MCUR1: variants seen among roughly 807,000 people sequenced by gnomAD.
The protein encoded by MCUR1 is mitochondrial calcium uniporter regulator 1.
A neutral mutation model predicts 42.0 loss-of-function variants in MCUR1; 37 were observed. The ratio of observed to expected loss-of-function variants is 0.88; its 90% confidence interval spans 0.68 to 1.16. The LOEUF (loss-of-function observed/expected upper bound fraction) is 1.16, where lower values mean the gene tolerates loss of function less well. Ranked by LOEUF, MCUR1 falls within the 50% of genes most tolerant of loss-of-function variation. The pLI is 0.00. For synonymous variants in MCUR1, 229 were observed against 196.2 expected (o/e 1.17, Z -1.40); for missense variants, 469 against 468.4 (o/e 1.00, Z -0.01).
chr6:13,796,105 A>G (rs958559660), intron 6 of MCUR1, among the ~76,000 whole-genome samples: 1 of 152,198 alleles, frequency 6.6e-6, no homozygotes, highest in African/African-American at 2.4e-5. Flanking sequence ...TTATCAGCAT[A>G]TTTAACTAGT....
intron 1 of MCUR1, among the ~76,000 whole-genome samples, chr6:13,808,738 T>C (rs1760165643): frequency 6.6e-6 from 1 of 152,194 alleles, no homozygotes; most frequent in African/African-American, 2.4e-5. Flanking sequence ...TGTAGATATC[T>C]AGTTGTCCCA....
intron 2 of MCUR1, chr6:13,803,757 C>T: frequency 1.0e-6 from 1 of 985,230 alleles, no homozygotes; most frequent in Non-Finnish European, 1.2e-6. Flanking sequence ...TTAGCTCTGA[C>T]TCTGTTTTCT....
chr6:13,811,615 G>A lies in MCUR1; in HGVS notation c.415+2400C>T, dbSNP rs193277541. Reference sequence around the variant, plus strand: ...AAGGAATGAAAGCACTTCTCCAGGGGACCTCCTAAGGACCACCTCACCTGC... The same window carrying A: ...AAGGAATGAAAGCACTTCTCCAGGGAACCTCCTAAGGACCACCTCACCTGC... On this transcript the variant is annotated intron_variant, in intron 1 of 8. Transcript: ENST00000379170. Among the ~76,000 whole-genome samples, 237 of 152,144 alleles carry A rather than the reference G, an allele frequency of 1.6e-3. 2 individuals are homozygous for A. The highest frequency in any genetic ancestry group is 2.8e-3 in the Non-Finnish European group (190 of 68,014).
rs927068146 is a variant in MCUR1 at position 13,814,089 on chromosome 6, G to A, written c.341C>T (p.Pro114Leu). ...AGRSSAWRCS[P>L]GVAAAAGALP... ...GGCGCCGGCGGCAGCGGCGACGCCC[G>A]GTGAGCACCTCCACGCGCTGCTGCG... Residue 114 changes from proline to leucine, a missense_variant, in exon 1 of 9, where the codon CCG becomes CTG. By Grantham distance (98) the Pro-to-Leu change is moderately conservative. Coordinates refer to ENST00000379170, the MANE Select transcript of MCUR1 (RefSeq NM_001031713.4). 6 of 1,240,032 alleles carry A rather than the reference G, an allele frequency of 4.8e-6. No individual in the cohort carries two copies. The highest frequency in any genetic ancestry group is 6.0e-6 in the Non-Finnish European group (6 of 994,570). 76.8% of individuals were successfully genotyped at this position (1,240,032 alleles called of 1,614,324 possible).
intron 5 of MCUR1, among the ~76,000 whole-genome samples, 184 bp from the exon 6 acceptor site, chr6:13,799,088 C>T (rs1275601379): frequency 6.6e-6 from 1 of 152,184 alleles, no homozygotes; most frequent in Non-Finnish European, 1.5e-5. Context: ...GGAACTCTGG[C>T]CAAGCCACAT....
chr6:13,806,823 TAGA>T, intron 2 of MCUR1, 99 bp downstream of exon 2: 1 of 1,284,240 alleles, frequency 7.8e-7, no homozygotes, highest in Non-Finnish European at 1.1e-6. Flanking sequence ...AAATAAAAAA[TAGA>T]AGTCAAAGAG....
At chr6:13,812,010 T>C (rs1760246248) in intron 1 of MCUR1, among the ~76,000 whole-genome samples, 1 of 152,170 alleles carries the variant, frequency 6.6e-6, no homozygotes, top group East Asian at 1.9e-4. Context: ...AAATGCCCTC[T>C]TGGCCTTCTG....
Position 13,797,888 on chromosome 6 carries a change from G to A in MCUR1, c.855+945C>T, listed in dbSNP as rs1258904037. Among the ~76,000 whole-genome samples the A allele has an allele frequency of 2.7e-5, 4 of 150,216 alleles. No individual in the cohort carries two copies. In the East Asian group the frequency reaches 8.1e-4, roughly 31 times the overall value. ...AAAATATAAAAACTAGCCAGGTGTG[G>A]TGGTGGCGTCTGTAATCCCAGCTAC... On this transcript the variant is annotated intron_variant, in intron 6 of 8. Coordinates refer to ENST00000379170, the MANE Select transcript of MCUR1 (RefSeq NM_001031713.4).
intron 1 of MCUR1, among the ~76,000 whole-genome samples, chr6:13,808,570 A>G (rs1450863718): frequency 2.0e-5 from 3 of 151,870 alleles, no homozygotes; most frequent in Non-Finnish European, 4.4e-5. Flanking sequence ...TTTTGATAAC[A>G]TACCTAAGAA....
At position 13,790,235 on chromosome 6, in the gene MCUR1, T is replaced by A. The variant is rs1759697685; in HGVS notation, c.*574A>T. Reference sequence around the variant, plus strand: ...GTTTGCTGTTGGTGTGCACCACAGATGAGACCAAGCTTCCTGGTCCGGCTA... The same window carrying A: ...GTTTGCTGTTGGTGTGCACCACAGAAGAGACCAAGCTTCCTGGTCCGGCTA... On this transcript the variant is annotated 3_prime_UTR_variant, in exon 9 of 9. Transcript: ENST00000379170. The A allele has an allele frequency of 6.6e-6, 1 of 152,346 alleles. No individual in the cohort carries two copies. Among genetic ancestry groups the A allele is most frequent in the Non-Finnish European group, 1.5e-5 (1 of 68,136 alleles). The allele number at this position is 152,346 out of a possible 1,614,324, so 9.4% of individuals were successfully genotyped here.
rs1416622633 is a variant in MCUR1 at position 13,791,973 on chromosome 6, G to A, written c.929C>T (p.Ala310Val). The change falls in exon 8 of 9, where the codon GCC (alanine) becomes GTC (valine). Residue 310 changes from alanine to valine, a missense_variant. Physicochemically the swap from Ala to Val is moderately conservative, Grantham distance 64. Coordinates refer to ENST00000379170, the MANE Select transcript of MCUR1 (RefSeq NM_001031713.4). Reference protein sequence around the residue: ...IVALHAQQDRALTQTDRKIET... With the variant: ...IVALHAQQDRVLTQTDRKIET... The stretch of plus-strand genomic sequence containing the variant: ...GATCTTCCTGTCTGTCTGGGTAAGG[G>A]CCCGATCTTGCTGGGCATGCTTTTA... 5 of 1,613,878 alleles carry A rather than the reference G, an allele frequency of 3.1e-6. No homozygotes were observed. In the Admixed American group the frequency reaches 6.7e-5, roughly 22 times the overall value.
At chr6:13,797,435 G>A (rs749350730) in intron 6 of MCUR1, among the ~76,000 whole-genome samples, 2 of 152,148 alleles carry the variant, frequency 1.3e-5, no homozygotes, top group Admixed American at 6.6e-5. Context: ...TAGGCCGGGC[G>A]CGGTGGCTCA....
Position 13,789,133 on chromosome 6 carries a change from C to G in MCUR1, c.*1676G>C, listed in dbSNP as rs912838196. ...TAAGATGAGAATGGGCCAGGCGCAGCGGCTCACGCCTGTAATCCCACTACT... is the reference window on the plus strand; with the variant it reads ...TAAGATGAGAATGGGCCAGGCGCAGGGGCTCACGCCTGTAATCCCACTACT... On this transcript the variant is annotated 3_prime_UTR_variant, in exon 9 of 9. Transcript: ENST00000379170. 2.0e-5 allele frequency: 3 copies of G among 152,150 alleles called. No homozygotes were observed. Among genetic ancestry groups the G allele is most frequent in the African/African-American group, 7.2e-5 (3 of 41,446 alleles). 9.4% of individuals were successfully genotyped at this position (152,150 alleles called of 1,614,324 possible).
chr6:13,788,243 G>A lies in MCUR1; in HGVS notation c.*2566C>T, dbSNP rs938187251. 2 of 152,002 alleles carry A rather than the reference G, an allele frequency of 1.3e-5. No individual in the cohort carries two copies. Among genetic ancestry groups the A allele is most frequent in the Non-Finnish European group, 2.9e-5 (2 of 68,016 alleles). The allele number at this position is 152,002 out of a possible 1,614,324, so 9.4% of individuals were successfully genotyped here. ...GGGTGCTTGAGCCAGAAGTGGGAAG[G>A]GTACACTTGTATTTTGGGCTCAAAT... On this transcript the variant is annotated 3_prime_UTR_variant, in exon 9 of 9. Coordinates refer to ENST00000379170, the MANE Select transcript of MCUR1 (RefSeq NM_001031713.4).
intron 1 of MCUR1, among the ~76,000 whole-genome samples, chr6:13,812,334 C>T (rs550324297): frequency 1.1e-4 from 17 of 152,024 alleles, no homozygotes; most frequent in Non-Finnish European, 2.1e-4. Context: ...GCTTCCTTAA[C>T]TGTGTCTCTG....
chr6:13,801,494 C>T lies in MCUR1; in HGVS notation c.640-105G>A, dbSNP rs1759988379. ...TATTGAGAAACCAGGACAATGTGGACACAAAAAGAGGTTCAGTAGGGTCAT... is the reference window on the plus strand; with the variant it reads ...TATTGAGAAACCAGGACAATGTGGATACAAAAAGAGGTTCAGTAGGGTCAT... On this transcript the variant is annotated intron_variant, in intron 3 of 8. Transcript: ENST00000379170. 4.0e-6 allele frequency: 3 copies of T among 757,014 alleles called. No homozygotes were observed. In the East Asian group the frequency reaches 7.9e-5, roughly 20 times the overall value. The allele number at this position is 757,014 out of a possible 1,614,324, so 46.9% of individuals were successfully genotyped here.
chr6:13,803,849 CT>C, intron 2 of MCUR1: 2 of 985,368 alleles, frequency 2.0e-6, no homozygotes, highest in Non-Finnish European at 2.4e-6. Context: ...GAAGAGTTCA[CT>C]GGCTGGGTGT....
At chr6:13,797,750 G>A (rs998143422) in intron 6 of MCUR1, among the ~76,000 whole-genome samples, 26 of 151,828 alleles carry the variant, frequency 1.7e-4, no homozygotes, top group African/African-American at 5.1e-4. Flanking sequence ...CCGGCCAGGC[G>A]CAGTGGCTCA....
chr6:13,794,854 T>C (rs1584983285), intron 6 of MCUR1, among the ~76,000 whole-genome samples: 1 of 152,294 alleles, frequency 6.6e-6, no homozygotes, highest in East Asian at 1.9e-4. Context: ...GAACTAATTC[T>C]ACCCAGAGTT....
Sources: allele counts gnomAD v4.1 joint callset (sites outside exome capture counted in the v4.1 genomes callset), GRCh38; gene constraint gnomAD v4.1.1; transcripts MANE v1.5; gene names NCBI Gene and HGNC (gene_info 2026-07-23, HGNC 2026-07-21).